The following CAMK1D variants were observed in gnomAD, a reference collection of about 807,000 sequenced individuals.
The protein encoded by CAMK1D is calcium/calmodulin-dependent protein kinase type 1D.
A neutral mutation model predicts 47.7 loss-of-function variants in CAMK1D; 9 were observed. The ratio of observed to expected loss-of-function variants is 0.19; its 90% confidence interval spans 0.11 to 0.33. The LOEUF (loss-of-function observed/expected upper bound fraction) is 0.33. CAMK1D is among the 10% of genes least tolerant of loss of function. The pLI is 1.00. For missense variants in CAMK1D, 291 were observed against 488.7 expected, an observed-to-expected ratio of 0.60 and a Z score of 3.81; for synonymous variants, 184 against 184.9, an observed-to-expected ratio of 0.99 and a Z score of 0.04.
At chr10:12,690,148 C>T (rs762633082) in intron 3 of CAMK1D, among the ~76,000 whole-genome samples, 14 of 152,174 alleles carry the variant, frequency 9.2e-5, no homozygotes, top group African/African-American at 2.9e-4. Context: ...TTGTGTTGAA[C>T]GCCTGTCTCA....
chr10:12,672,331 G>A (rs77340340), intron 3 of CAMK1D, among the ~76,000 whole-genome samples: 2,200 of 151,860 alleles, frequency 0.014, 40 homozygotes, highest in South Asian at 0.11. Flanking sequence ...CTTTACCTAT[G>A]CAAATAATGT....
At chr10:12,553,926 C>A (rs140216642) in intron 2 of CAMK1D, among the ~76,000 whole-genome samples, 110 of 152,324 alleles carry the variant, frequency 7.2e-4, no homozygotes, top group African/African-American at 2.5e-3. Flanking sequence ...GCCTGGAATA[C>A]CAACCCGGCC....
At chr10:12,749,843 TTC>T (rs1232783994) in intron 3 of CAMK1D, among the ~76,000 whole-genome samples, 10 of 79,536 alleles carry the variant, frequency 1.3e-4, no homozygotes, top group African/African-American at 9.4e-4. Context: ...GCCTGCTTCG[TTC>T]GGCCTCCCAA....
At chr10:12,665,889 A>G (rs940844919) in intron 2 of CAMK1D, among the ~76,000 whole-genome samples, 3 of 152,264 alleles carry the variant, frequency 2.0e-5, no homozygotes, top group Admixed American at 6.5e-5. Flanking sequence ...CAGTGGGGCC[A>G]GACCCCCAGG....
At chr10:12,523,976 C>T (rs11257853) in intron 1 of CAMK1D, among the ~76,000 whole-genome samples, 77,113 of 151,420 alleles carry the variant, frequency 0.51, 19,814 homozygotes, top group South Asian at 0.62. Context: ...ACTGCAAGCT[C>T]TGCTTCCCGG....
chr10:12,665,760 T>C (rs1412750709), intron 2 of CAMK1D, among the ~76,000 whole-genome samples: 2 of 152,254 alleles, frequency 1.3e-5, no homozygotes, highest in Admixed American at 6.5e-5. Context: ...CCCTGGTTCT[T>C]GAGTTAGAAC....
chr10:12,599,095 A>G (rs11816264), intron 2 of CAMK1D, among the ~76,000 whole-genome samples: 14,761 of 152,238 alleles, frequency 0.097, 1,870 homozygotes, highest in African/African-American at 0.29. Flanking sequence ...GTATGTTCAT[A>G]TGTTCCTACA....
At chr10:12,534,753 G>A (rs1835915965) in intron 1 of CAMK1D, among the ~76,000 whole-genome samples, 2 of 152,150 alleles carry the variant, frequency 1.3e-5, no homozygotes, top group Admixed American at 1.3e-4. Flanking sequence ...TTGGCAGTAG[G>A]TCTTCCATAT....
chr10:12,741,199 CAG>C, intron 3 of CAMK1D, among the ~76,000 whole-genome samples: 1 of 152,292 alleles, frequency 6.6e-6, no homozygotes, highest in African/African-American at 2.4e-5. Flanking sequence ...AACGGGGGTA[CAG>C]AGTTTCCTGT....
At chr10:12,650,380 C>T (rs192488475) in intron 2 of CAMK1D, among the ~76,000 whole-genome samples, 8 of 152,218 alleles carry the variant, frequency 5.3e-5, no homozygotes, top group Non-Finnish European at 1.0e-4. Flanking sequence ...GGACATTGGT[C>T]GTGCTGTGTC....
At chr10:12,372,857 C>T (rs1381402824) in intron 1 of CAMK1D, among the ~76,000 whole-genome samples, 1 of 152,200 alleles carries the variant, frequency 6.6e-6, no homozygotes, top group East Asian at 1.9e-4. Context: ...TCTTGAACTC[C>T]TGGGCTCAAG....
intron 2 of CAMK1D, among the ~76,000 whole-genome samples, chr10:12,639,656 G>C (rs948150267): frequency 3.9e-5 from 6 of 152,088 alleles, no homozygotes; most frequent in Non-Finnish European, 1.5e-5. Context: ...TTTTCAAGGA[G>C]AGCCTAATGT....
intron 1 of CAMK1D, among the ~76,000 whole-genome samples, chr10:12,399,812 G>T (rs77683254): frequency 0.011 from 1,685 of 152,294 alleles, 30 homozygotes; most frequent in African/African-American, 0.038. Flanking sequence ...AAGGCTGTAA[G>T]GTACCTTGCA....
At chr10:12,716,108 G>A (rs984537797) in intron 3 of CAMK1D, among the ~76,000 whole-genome samples, 1 of 152,120 alleles carries the variant, frequency 6.6e-6, no homozygotes, top group South Asian at 2.1e-4. Flanking sequence ...CTAGGAAGGG[G>A]GAGAATGAGG....
chr10:12,449,905 G>T lies in CAMK1D; in HGVS notation c.92+99995G>T, dbSNP rs1370516682. On this transcript the variant is annotated intron_variant, in intron 1 of 10. Coordinates refer to ENST00000619168, the MANE Select transcript of CAMK1D (RefSeq NM_153498.4). Reference sequence around the variant, plus strand: ...TCCCAGCTAACTGGGAGGCTGAGGTGGGAGAATCGCTTGACTTGGGAGGCA... The same window carrying T: ...TCCCAGCTAACTGGGAGGCTGAGGTTGGAGAATCGCTTGACTTGGGAGGCA... Among the ~76,000 whole-genome samples the T allele has an allele frequency of 2.0e-5, 3 of 152,250 alleles. No homozygotes were observed. In the East Asian group the frequency reaches 5.8e-4, roughly 29 times the overall value.
intron 3 of CAMK1D, among the ~76,000 whole-genome samples, chr10:12,740,708 G>C (rs1308277558): frequency 6.6e-6 from 1 of 152,238 alleles, no homozygotes; most frequent in Admixed American, 6.5e-5. Flanking sequence ...TAGCTGAGCC[G>C]AGGCAGTTCA....
At chr10:12,778,527 G>A (rs183608587) in intron 5 of CAMK1D, among the ~76,000 whole-genome samples, 4 of 152,294 alleles carry the variant, frequency 2.6e-5, no homozygotes, top group Admixed American at 2.6e-4. Context: ...GTAGATTGTG[G>A]TAGATGGGCC....
chr10:12,827,415 CTT>C lies in CAMK1D; in HGVS notation c.1040-1352_1040-1351del, dbSNP rs1833271000. Among the ~76,000 whole-genome samples, 2 of 58,426 alleles carry C rather than the reference CTT, an allele frequency of 3.4e-5. 1 individual carries two copies. Among genetic ancestry groups the C allele is most frequent in the African/African-American group, 1.4e-4 (2 of 14,008 alleles). 38.3% of individuals were successfully genotyped at this position (58,426 alleles called of 152,430 possible). A position where few individuals can be genotyped will look rare whatever the true frequency, so the allele number is the denominator to read the frequency against. Reference sequence around the variant, plus strand: ...TCCTTCCTTCCTTTCTTCTTTCTCTCTTTCTTTCCTTCCTTCCTTCCTTCTTT... The same window carrying C: ...TCCTTCCTTCCTTTCTTCTTTCTCTCTCTTTCCTTCCTTCCTTCCTTCTTT... On this transcript the variant is annotated intron_variant, in intron 10 of 10. Transcript: ENST00000619168.
chr10:12,734,609 G>A (rs556637720), intron 3 of CAMK1D, among the ~76,000 whole-genome samples: 2 of 150,254 alleles, frequency 1.3e-5, no homozygotes, highest in African/African-American at 4.9e-5. Context: ...TGACTTGGCT[G>A]TATCCCTCTT....
Sources: gnomAD v4.1 joint callset for allele counts (sites outside exome capture counted in the v4.1 genomes callset) on GRCh38, gnomAD v4.1.1 for gene constraint, MANE v1.5 for transcripts, NCBI Gene and HGNC (gene_info 2026-07-23, HGNC 2026-07-21) for gene names.